PRLR: variants seen among roughly 807,000 people sequenced by gnomAD.
The protein encoded by PRLR is hPRL receptor.
Under a neutral mutation model 40.2 loss-of-function variants are expected in PRLR, and 13 were observed. That is an observed-to-expected ratio of 0.32 (90% CI 0.21 to 0.51). PRLR has a LOEUF of 0.51. PRLR is among the 20% of genes least tolerant of loss of function. The pLI is 0.97. For synonymous variants in PRLR, 269 were observed against 278.7 expected (o/e 0.97, Z 0.35); for missense variants, 656 against 747.3 (o/e 0.88, Z 1.42).
At chr5:35,075,702 C>T (rs1436421951) in intron 5 of PRLR, among the ~76,000 whole-genome samples, 1 of 152,212 alleles carries the variant, frequency 6.6e-6, no homozygotes, top group Non-Finnish European at 1.5e-5. Flanking sequence ...GTTCTCCCAG[C>T]ACAGAGTTTG....
chr5:35,124,436 G>A (rs1357958355), intron 1 of PRLR, among the ~76,000 whole-genome samples: 1 of 152,122 alleles, frequency 6.6e-6, no homozygotes, highest in Non-Finnish European at 1.5e-5. Context: ...AGGGCTACAA[G>A]ACCAGAAAAG....
At chr5:35,180,735 C>T (rs1324434077) in intron 1 of PRLR, among the ~76,000 whole-genome samples, 1 of 152,162 alleles carries the variant, frequency 6.6e-6, no homozygotes, top group Non-Finnish European at 1.5e-5. Flanking sequence ...TCCCTCCCCA[C>T]TCTCCCCACC....
At chr5:35,171,510 T>C (rs1012066528) in intron 1 of PRLR, among the ~76,000 whole-genome samples, 1 of 152,132 alleles carries the variant, frequency 6.6e-6, no homozygotes, top group Non-Finnish European at 1.5e-5. Context: ...CTGGGCTGTT[T>C]TGGGCACTGA....
chr5:35,112,731 A>G (rs1579677004), intron 2 of PRLR, among the ~76,000 whole-genome samples: 1 of 152,190 alleles, frequency 6.6e-6, no homozygotes, highest in South Asian at 2.1e-4. Context: ...GTCACCTCTC[A>G]TGAACAATAT....
intron 1 of PRLR, among the ~76,000 whole-genome samples, chr5:35,205,412 G>T (rs1239965179): frequency 6.6e-6 from 1 of 152,114 alleles, no homozygotes; most frequent in Non-Finnish European, 1.5e-5. Context: ...TTTGCTGTTG[G>T]CAACAAAACC....
intron 1 of PRLR, among the ~76,000 whole-genome samples, chr5:35,225,844 C>A (rs1041814717): frequency 1.3e-5 from 2 of 152,040 alleles, no homozygotes; most frequent in African/African-American, 4.8e-5. Flanking sequence ...ACCATGCCTG[C>A]CTAATTTTTG....
At chr5:35,143,460 T>C (rs1774080853) in intron 1 of PRLR, among the ~76,000 whole-genome samples, 1 of 152,258 alleles carries the variant, frequency 6.6e-6, no homozygotes, top group South Asian at 2.1e-4. Flanking sequence ...CCTATCATCA[T>C]GATTGACTCC....
chr5:35,101,670 C>T (rs1771885635), intron 2 of PRLR, among the ~76,000 whole-genome samples: 1 of 150,754 alleles, frequency 6.6e-6, no homozygotes, highest in Non-Finnish European at 1.5e-5. Flanking sequence ...TAAAGCACAC[C>T]CTTTCAGGAA....
chr5:35,131,647 G>A (rs1388421577), intron 1 of PRLR, among the ~76,000 whole-genome samples: 1 of 152,108 alleles, frequency 6.6e-6, no homozygotes, highest in East Asian at 1.9e-4. Flanking sequence ...TCATAGATAA[G>A]GAATGAATCT....
At chr5:35,073,562 A>G (rs1429119384) in intron 5 of PRLR, among the ~76,000 whole-genome samples, 1 of 152,212 alleles carries the variant, frequency 6.6e-6, no homozygotes, top group Admixed American at 6.5e-5. Flanking sequence ...ACAGGCTTAG[A>G]AGAGGGAAAT....
At chr5:35,104,955 TA>T (rs1390312035) in intron 2 of PRLR, among the ~76,000 whole-genome samples, 1 of 152,164 alleles carries the variant, frequency 6.6e-6, no homozygotes, top group Admixed American at 6.5e-5. Flanking sequence ...GTAGCCTAAC[TA>T]GGAGACACTT....
chr5:35,123,295 A>G (rs1773350746), intron 1 of PRLR, among the ~76,000 whole-genome samples: 1 of 152,228 alleles, frequency 6.6e-6, no homozygotes, highest in South Asian at 2.1e-4. Flanking sequence ...ATTGGCTGCC[A>G]GACATTGTTT....
chr5:35,190,330 C>T (rs550623201), intron 1 of PRLR, among the ~76,000 whole-genome samples: 1 of 152,282 alleles, frequency 6.6e-6, no homozygotes, highest in African/African-American at 2.4e-5. Context: ...TCTGGCTGGG[C>T]ATGGTGGCTC....
At chr5:35,216,270 C>A (rs1378162537) in intron 1 of PRLR, among the ~76,000 whole-genome samples, 3 of 6,878 alleles carry the variant, frequency 4.4e-4, no homozygotes, top group Non-Finnish European at 1.5e-3. Flanking sequence ...TGAGGTTGAA[C>A]CAAGTGCTCA....
intron 2 of PRLR, among the ~76,000 whole-genome samples, chr5:35,107,228 T>C (rs962354556): frequency 1.3e-5 from 2 of 152,158 alleles, no homozygotes; most frequent in Non-Finnish European, 2.9e-5. Flanking sequence ...TTTAAAGCAG[T>C]GTGTAGAGGG....
intron 1 of PRLR, among the ~76,000 whole-genome samples, chr5:35,141,886 C>A (rs998958261): frequency 1.3e-5 from 2 of 152,188 alleles, no homozygotes; most frequent in Admixed American, 6.5e-5. Context: ...TGTTACATTG[C>A]GTGTTCATTT....
At chr5:35,228,391 G>C (rs1364743584) in intron 1 of PRLR, among the ~76,000 whole-genome samples, 3 of 152,154 alleles carry the variant, frequency 2.0e-5, no homozygotes, top group African/African-American at 4.8e-5. Context: ...TGCCTTGCTG[G>C]CACTGCTAGT....
intron 1 of PRLR, among the ~76,000 whole-genome samples, chr5:35,209,145 T>C (rs1367914848): frequency 6.6e-6 from 1 of 152,064 alleles, no homozygotes. Context: ...TATCAGTGTT[T>C]TTTTTTTCTT....
intron 2 of PRLR, among the ~76,000 whole-genome samples, chr5:35,117,114 C>T (rs367668589): frequency 6.6e-6 from 1 of 151,976 alleles, no homozygotes; most frequent in African/African-American, 2.4e-5. Flanking sequence ...CAGAGGAGCC[C>T]CACCACCCAA....
Sources: allele counts gnomAD v4.1 joint callset (sites outside exome capture counted in the v4.1 genomes callset), GRCh38; gene constraint gnomAD v4.1.1; transcripts MANE v1.5; gene names NCBI Gene and HGNC (gene_info 2026-07-23, HGNC 2026-07-21).